RHOBTB2: variants seen among roughly 807,000 people sequenced by gnomAD.
RHOBTB2 encodes Rho related BTB domain containing 2.
Under a neutral mutation model 66.5 loss-of-function variants are expected in RHOBTB2, and 39 were observed. The ratio of observed to expected loss-of-function variants is 0.59; its 90% confidence interval spans 0.45 to 0.77. RHOBTB2 has a LOEUF of 0.77. RHOBTB2 is among the 30% of genes least tolerant of loss of function. The pLI is 0.00. For missense variants in RHOBTB2, 755 were observed against 999.1 expected, an observed-to-expected ratio of 0.76 and a Z score of 3.29; for synonymous variants, 390 against 395.0, an observed-to-expected ratio of 0.99 and a Z score of 0.15.
rs551683849 is a variant in RHOBTB2 at position 23,004,006 on chromosome 8, C to T, written c.-10-419C>T. ...TGCTGGGAAGGGGTGGGGACGTGGC[C>T]GACTCTGCTTCTCTCAGCTGTTTGT... On this transcript the variant is annotated intron_variant, in intron 1 of 9. Transcript: ENST00000251822. This position sits in a 1 kb window ranked among gnomAD's most constrained non-coding sequence, Gnocchi z 6.4. 4.6e-4 allele frequency: 125 copies of T among 273,384 alleles called. 1 individual carries two copies. The highest frequency in any genetic ancestry group is 3.7e-3 in the South Asian group (95 of 25,620). 16.9% of individuals were successfully genotyped at this position (273,384 alleles called of 1,614,324 possible).
upstream of RHOBTB2, among the ~76,000 whole-genome samples, chr8:22,985,604 G>A (rs928498498): frequency 4.6e-5 from 7 of 152,218 alleles, no homozygotes; most frequent in Non-Finnish European, 1.5e-5. Flanking sequence ...ATATTTTTAT[G>A]GCCAGTTTAT....
the RHOBTB2 span, among the ~76,000 whole-genome samples, chr8:22,968,722 A>T: frequency 6.6e-6 from 1 of 152,150 alleles, no homozygotes; most frequent in Non-Finnish European, 1.5e-5. Context: ...GAATGAGTAA[A>T]TATTTAATAT....
At chr8:22,953,007 T>C in the RHOBTB2 span, among the ~76,000 whole-genome samples, 2 of 152,172 alleles carry the variant, frequency 1.3e-5, no homozygotes, top group African/African-American at 2.4e-5. Context: ...GGCCTTTGAC[T>C]TGGGGTCTTA....
intron 8 of RHOBTB2, 60 bp downstream of exon 8, chr8:23,014,838 G>C: frequency 7.3e-7 from 1 of 1,361,690 alleles, no homozygotes; most frequent in Non-Finnish European, 1.0e-6. Context: ...CCTGCCCATT[G>C]GCTGCGAATG....
the RHOBTB2 span, among the ~76,000 whole-genome samples, chr8:22,967,471 C>A: frequency 6.6e-6 from 1 of 151,650 alleles, no homozygotes. Context: ...ATTAGCTGGG[C>A]GTGATGGCAG....
chr8:22,976,188 G>T, the RHOBTB2 span, among the ~76,000 whole-genome samples: 1 of 151,756 alleles, frequency 6.6e-6, no homozygotes, highest in African/African-American at 2.4e-5. Context: ...AAAAAATAAA[G>T]ACCACTGGGG....
At chr8:23,016,236 A>G (rs984556849) in intron 9 of RHOBTB2, among the ~76,000 whole-genome samples, 3 of 151,522 alleles carry the variant, frequency 2.0e-5, no homozygotes, top group Non-Finnish European at 4.4e-5. Context: ...CACAGGCTCC[A>G]GGGAGAGGTG....
At chr8:23,005,907 C>T in intron 3 of RHOBTB2, 53 bp from the exon 4 acceptor site, 1 of 1,546,592 alleles carries the variant, frequency 6.5e-7, no homozygotes, top group African/African-American at 1.4e-5. Flanking sequence ...GTTCCAGGAC[C>T]AGGTAAGCTA....
At chr8:23,010,501 G>T (rs776771647) in intron 6 of RHOBTB2, 37 bp from the exon 7 acceptor site, 5 of 1,595,264 alleles carry the variant, frequency 3.1e-6, no homozygotes, top group Non-Finnish European at 3.4e-6. Context: ...TCCTAAGCAG[G>T]ATCTCATTGC....
At chr8:22,997,608 T>C (rs1171279013), upstream of RHOBTB2, among the ~76,000 whole-genome samples, 3 of 152,222 alleles carry the variant, frequency 2.0e-5, no homozygotes, top group Admixed American at 1.3e-4. Context: ...AGAAAGGGCA[T>C]TGGCTCTAGC....
chr8:22,981,801 G>T, the RHOBTB2 span, among the ~76,000 whole-genome samples: 1 of 152,218 alleles, frequency 6.6e-6, no homozygotes, highest in African/African-American at 2.4e-5. Flanking sequence ...ACAGCAAAGT[G>T]CCAGCTTTTC....
rs759045497 is a variant in RHOBTB2, at chr8:23,014,720, C to T, written c.1802C>T (p.Ala601Val). 1.9e-6 allele frequency: 3 copies of T among 1,614,120 alleles called. No individual in the cohort carries two copies. Among genetic ancestry groups the T allele is most frequent in the Non-Finnish European group, 1.7e-6 (2 of 1,179,982 alleles). Residue 601 changes from alanine to valine, a missense_variant, in exon 8 of 10, where the codon GCG becomes GTG. Physicochemically the swap from Ala to Val is moderately conservative, Grantham distance 64. Transcript: ENST00000251822. ...TACACAGTGACCGGGCTGATGGAAG[C>T]GACCCAGATGATGGTGGACATCGAT... ...EQYTVTGLME[A>V]TQMMVDIDGD...
the RHOBTB2 span, among the ~76,000 whole-genome samples, chr8:22,979,774 T>G: frequency 6.3e-5 from 8 of 126,922 alleles, no homozygotes; most frequent in Non-Finnish European, 1.0e-4. Flanking sequence ...AGAGTGAGAC[T>G]CTGTGACAGA....
chr8:22,962,369 G>A, the RHOBTB2 span, among the ~76,000 whole-genome samples: 7 of 151,172 alleles, frequency 4.6e-5, no homozygotes, highest in African/African-American at 9.7e-5. Context: ...ATTAACTGAC[G>A]TACTTTTCAT....
In RHOBTB2 at chr8:23,000,671, C is replaced by T. The variant is rs927881883; in HGVS notation, c.-11+566C>T. On this transcript the variant is annotated intron_variant, in intron 1 of 9. Transcript: ENST00000251822. ...TCAGGGTCCCTTTGGGCCTTGCTTT[C>T]TGTTGGATCTGCACGGGGCTTCTTG... 5.3e-5 allele frequency among the ~76,000 whole-genome samples: 8 copies of T among 152,320 alleles called. No individual in the cohort carries two copies. The East Asian group carries it at 1.3e-3, about 26-fold the overall frequency.
At chr8:22,974,454 G>A in the RHOBTB2 span, among the ~76,000 whole-genome samples, 2 of 152,218 alleles carry the variant, frequency 1.3e-5, no homozygotes, top group African/African-American at 4.8e-5. Flanking sequence ...TGTCTTGGGT[G>A]AGACAACCAG....
chr8:22,972,674 A>G, the RHOBTB2 span, among the ~76,000 whole-genome samples: 1 of 152,210 alleles, frequency 6.6e-6, no homozygotes, highest in Non-Finnish European at 1.5e-5. Context: ...CAGGCTGCGA[A>G]GATGTGGAGG....
upstream of RHOBTB2, among the ~76,000 whole-genome samples, chr8:22,987,249 G>A (rs1810304578): frequency 6.6e-6 from 1 of 152,232 alleles, no homozygotes; most frequent in South Asian, 2.1e-4. Flanking sequence ...TGCTCACCTG[G>A]CCAAAGATGG....
chr8:23,014,994 G>A (rs981428100), intron 8 of RHOBTB2, among the ~76,000 whole-genome samples: 6 of 152,138 alleles, frequency 3.9e-5, no homozygotes, highest in African/African-American at 7.2e-5. Context: ...AGTGGGGAAG[G>A]GATGAGGCTT....
Sources: gnomAD v4.1 joint callset for allele counts (sites outside exome capture counted in the v4.1 genomes callset) on GRCh38, gnomAD v4.1.1 for gene constraint, Gnocchi (gnomAD v3.1) non-coding constraint, MANE v1.5 for transcripts, NCBI Gene and HGNC (gene_info 2026-07-23, HGNC 2026-07-21) for gene names.